Variants in TBC1D12 observed in about 807,000 individuals in gnomAD.
TBC1D12 encodes the protein TBC1 domain family, member 12.
Under a neutral mutation model 86.7 loss-of-function variants are expected in TBC1D12, and 56 were observed. The observed-to-expected ratio is 0.65, with a 90% CI of 0.52 to 0.81. TBC1D12 has a LOEUF of 0.81. TBC1D12 is among the 30% of genes least tolerant of loss of function. TBC1D12 has a pLI of 0.00. For synonymous variants in TBC1D12, 421 were observed against 411.7 expected (o/e 1.02, Z -0.27); for missense variants, 1,023 against 1,038.8 (o/e 0.98, Z 0.21).
At chr10:94,438,744 T>C (rs1191559516) in intron 1 of TBC1D12, among the ~76,000 whole-genome samples, 1 of 152,134 alleles carries the variant, frequency 6.6e-6, no homozygotes, top group African/African-American at 2.4e-5. Context: ...TTAAAAGGGT[T>C]TGGTCAGTTC....
intron 2 of TBC1D12, among the ~76,000 whole-genome samples, chr10:94,463,619 A>T (rs2134125853): frequency 6.6e-6 from 1 of 152,370 alleles, no homozygotes; most frequent in South Asian, 2.1e-4. Flanking sequence ...TGGAAGGGAC[A>T]AATAGACAAA....
At chr10:94,436,360 T>C (rs1172262705) in intron 1 of TBC1D12, among the ~76,000 whole-genome samples, 1 of 151,958 alleles carries the variant, frequency 6.6e-6, no homozygotes, top group East Asian at 1.9e-4. Context: ...GGTCTCGATC[T>C]CTTGACCTCA....
At chr10:94,503,110 A>T (rs960701028) in intron 6 of TBC1D12, among the ~76,000 whole-genome samples, 1 of 152,180 alleles carries the variant, frequency 6.6e-6, no homozygotes, top group South Asian at 2.1e-4. Context: ...ATGTTAGTAC[A>T]TACAAGTCTG....
chr10:94,407,876 G>T (rs546333075), intron 1 of TBC1D12, among the ~76,000 whole-genome samples: 1 of 152,090 alleles, frequency 6.6e-6, no homozygotes, highest in African/African-American at 2.4e-5. Flanking sequence ...TGAAACAGGA[G>T]GATTGCCTGA....
At chr10:94,417,990 G>A (rs2055023243) in intron 1 of TBC1D12, among the ~76,000 whole-genome samples, 1 of 152,088 alleles carries the variant, frequency 6.6e-6, no homozygotes, top group East Asian at 1.9e-4. Context: ...TCCTGACCTC[G>A]TGATCCGCCC....
In TBC1D12 at chr10:94,420,448, G is replaced by T. The variant is rs540980257; in HGVS notation, c.971+16864G>T. ...TGACATTCAGTACATTCACCATGTTGTACAGCTAGCACCACTATCTAATTC... is the reference window on the plus strand; with the variant it reads ...TGACATTCAGTACATTCACCATGTTTTACAGCTAGCACCACTATCTAATTC... On this transcript the variant is annotated intron_variant, in intron 1 of 12. Transcript: ENST00000225235. Among the ~76,000 whole-genome samples the T allele has an allele frequency of 2.1e-4, 32 of 152,312 alleles. 1 individual carries two copies. The East Asian group carries it at 6.2e-3, about 29-fold the overall frequency.
At chr10:94,422,120 CA>C (rs1204049335) in intron 1 of TBC1D12, among the ~76,000 whole-genome samples, 1 of 149,724 alleles carries the variant, frequency 6.7e-6, no homozygotes, top group East Asian at 2.0e-4. Flanking sequence ...ATCTGTAGCA[CA>C]GGCAGGAAAG....
chr10:94,450,938 C>A (rs1397591859), intron 2 of TBC1D12, among the ~76,000 whole-genome samples: 2 of 152,010 alleles, frequency 1.3e-5, no homozygotes, highest in Non-Finnish European at 2.9e-5. Flanking sequence ...CACAAGTTCT[C>A]ACTTACATGT....
chr10:94,422,409 C>T (rs1041842721), intron 1 of TBC1D12, among the ~76,000 whole-genome samples: 4 of 151,120 alleles, frequency 2.6e-5, no homozygotes, highest in Non-Finnish European at 4.4e-5. Flanking sequence ...AGGATGGTCT[C>T]AATCTCCTGA....
chr10:94,519,061 G>A (rs1255270306), intron 9 of TBC1D12, among the ~76,000 whole-genome samples: 2 of 152,140 alleles, frequency 1.3e-5, no homozygotes, highest in Non-Finnish European at 2.9e-5. Flanking sequence ...GACGATAAGA[G>A]CTAAACTCTG....
At position 94,403,469 on chromosome 10, in the gene TBC1D12, C is replaced by G. The variant is rs1011348969; in HGVS notation, c.856C>G (p.Arg286Gly). The G allele has an allele frequency of 9.1e-6, 14 of 1,542,558 alleles. No homozygotes were observed. The highest frequency in any genetic ancestry group is 1.7e-4 in the Middle Eastern group (1 of 5,834). Residue 286 changes from arginine to glycine, a missense_variant, in exon 1 of 13, where the codon CGC (arginine) becomes GGC (glycine). Arg to Gly is a moderately radical substitution (Grantham distance 125). Around this residue, in one of 2 missense-constraint regions of TBC1D12, gnomAD observed 628 missense variants for 531.1 expected, o/e 1.18. Coordinates refer to ENST00000225235, the MANE Select transcript of TBC1D12 (RefSeq NM_015188.2). ...CCAGGTGAGCCGCGGTCAGAGCGCC[C>G]GCGATCACCTGCCCCCGGCGGGGCC... ...TFQVSRGQSA[R>G]DHLPPAGPPV... is the part of the protein sequence containing the mutation.
intron 2 of TBC1D12, among the ~76,000 whole-genome samples, chr10:94,468,395 G>C (rs2055854957): frequency 6.6e-6 from 1 of 152,110 alleles, no homozygotes; most frequent in Non-Finnish European, 1.5e-5. Flanking sequence ...GCTATTGCTT[G>C]TCTGAAAATA....
At chr10:94,497,515 CTTTTTTTTTTTTT>C (rs34789814) in intron 5 of TBC1D12, among the ~76,000 whole-genome samples, 3 of 98,094 alleles carry the variant, frequency 3.1e-5, no homozygotes, top group Non-Finnish European at 5.7e-5. Context: ...TCTGCTAAAT[CTTTTTTTTTTTTT>C]TTTTTTTTTG....
At chr10:94,458,303 C>T (rs1361745696) in intron 2 of TBC1D12, among the ~76,000 whole-genome samples, 2 of 152,184 alleles carry the variant, frequency 1.3e-5, no homozygotes, top group Non-Finnish European at 2.9e-5. Flanking sequence ...GCATGATGCT[C>T]TGCACCACCT....
At chr10:94,482,530 G>A (rs1357142674) in intron 3 of TBC1D12, among the ~76,000 whole-genome samples, 3 of 151,458 alleles carry the variant, frequency 2.0e-5, no homozygotes, top group Admixed American at 6.6e-5. Context: ...GGCTTACTGC[G>A]ATCTCTGCCT....
At chr10:94,418,555 CTATTATTAT>C (rs147676016) in intron 1 of TBC1D12, among the ~76,000 whole-genome samples, 10 of 149,602 alleles carry the variant, frequency 6.7e-5, no homozygotes, top group East Asian at 5.8e-4. Context: ...ATACTTTGGT[CTATTATTAT>C]TATTATTATT....
intron 1 of TBC1D12, among the ~76,000 whole-genome samples, chr10:94,403,929 C>T (rs1292109264): frequency 6.6e-6 from 1 of 152,114 alleles, no homozygotes; most frequent in Non-Finnish European, 1.5e-5. Flanking sequence ...TCTGGAAAAG[C>T]AGATAACCAT....
At chr10:94,516,944 C>A (rs936923428) in intron 9 of TBC1D12, among the ~76,000 whole-genome samples, 2 of 152,000 alleles carry the variant, frequency 1.3e-5, no homozygotes, top group Admixed American at 6.5e-5. Flanking sequence ...GACAAGGTTT[C>A]ACTATGTTGC....
chr10:94,518,258 G>A (rs12770551), intron 9 of TBC1D12, among the ~76,000 whole-genome samples: 2 of 151,120 alleles, frequency 1.3e-5, no homozygotes, highest in Admixed American at 1.3e-4. Context: ...CTGTCACCCA[G>A]GCTGGAGTGC....
Sources: allele counts gnomAD v4.1 joint callset (sites outside exome capture counted in the v4.1 genomes callset), GRCh38; gene constraint gnomAD v4.1.1; regional missense constraint gnomAD v4.1.1; transcripts MANE v1.5; gene names NCBI Gene and HGNC (gene_info 2026-07-23, HGNC 2026-07-21).